Variants in EMSY observed in about 807,000 individuals in gnomAD.
EMSY encodes EMSY transcriptional repressor, BRCA2 interacting, also known as BRCA2-interacting transcriptional repressor EMSY.
EMSY carries 26 observed loss-of-function variants against 134.6 expected under a neutral mutation model. The ratio of observed to expected loss-of-function variants is 0.19; its 90% confidence interval spans 0.14 to 0.27. The LOEUF (loss-of-function observed/expected upper bound fraction) is 0.27, where lower values mean the gene tolerates loss of function less well. Ranked by LOEUF, EMSY falls within the 10% of genes least tolerant of loss-of-function variation. The probability of loss-of-function intolerance (pLI) is 1.00; values close to 1 mark genes in which losing one functional copy is unlikely to be tolerated. For missense variants in EMSY, 1,305 were observed against 1,611.4 expected (o/e 0.81, Z 3.26); for synonymous variants, 579 against 577.8 (o/e 1.00, Z -0.03).
rs543540384 is a variant in EMSY, at chr11:76,476,018, A to G, written c.1108+3178A>G. Reference sequence around the variant, plus strand: ...GTCTTCTCTCTCTTTTGTCCTTGCAACTTACTTGTTGAAGAAATAACTAAT... The same window carrying G: ...GTCTTCTCTCTCTTTTGTCCTTGCAGCTTACTTGTTGAAGAAATAACTAAT... On this transcript the variant is annotated intron_variant, in intron 8 of 20. Coordinates refer to ENST00000334736, the Ensembl canonical transcript of EMSY. Among the ~76,000 whole-genome samples the G allele has an allele frequency of 2.6e-5, 4 of 152,190 alleles. No individual in the cohort carries two copies. The South Asian group carries it at 8.3e-4, about 31-fold the overall frequency.
intron 4 of EMSY, among the ~76,000 whole-genome samples, chr11:76,454,506 G>A (rs548027307): frequency 2.2e-4 from 33 of 152,090 alleles, no homozygotes; most frequent in Non-Finnish European, 4.3e-4. Flanking sequence ...TTTGAATTGG[G>A]GTGCTCTAGA....
intron 4 of EMSY, among the ~76,000 whole-genome samples, chr11:76,454,497 T>G (rs890962451): frequency 2.0e-5 from 3 of 152,138 alleles, no homozygotes; most frequent in Non-Finnish European, 4.4e-5. Flanking sequence ...CTCTAAGCTT[T>G]TGAATTGGGG....
chr11:76,544,692 C>A (rs758199041), exon 19 of EMSY: 3 of 1,614,024 alleles, frequency 1.9e-6, no homozygotes, highest in Non-Finnish European at 2.5e-6. Context: ...CAGGTGCTTG[C>A]AGTGAAAACC....
chr11:76,493,937 C>T (rs542346958), intron 8 of EMSY, among the ~76,000 whole-genome samples: 14 of 152,358 alleles, frequency 9.2e-5, no homozygotes, highest in African/African-American at 3.4e-4. Context: ...GAGCCCAGAC[C>T]TAGGGGCTCC....
intron 6 of EMSY, among the ~76,000 whole-genome samples, chr11:76,461,719 G>A (rs1948125826): frequency 6.6e-6 from 1 of 152,016 alleles, no homozygotes; most frequent in African/African-American, 2.4e-5. Flanking sequence ...ATCAGTTGAG[G>A]TCAGGCGTTC....
chr11:76,496,764 C>G (rs188419316), intron 9 of EMSY: 23 of 395,394 alleles, frequency 5.8e-5, no homozygotes, highest in Non-Finnish European at 9.9e-5. Context: ...CCTTGCTGAA[C>G]TCACTTGTTC....
At chr11:76,468,954 C>T (rs1181972378) in intron 7 of EMSY, among the ~76,000 whole-genome samples, 1 of 152,116 alleles carries the variant, frequency 6.6e-6, no homozygotes, top group Non-Finnish European at 1.5e-5. Flanking sequence ...TGGTTTTAAA[C>T]CCCTATACTT....
At chr11:76,537,998 C>A in intron 16 of EMSY, 48 bp downstream of exon 17, 1 of 1,450,726 alleles carries the variant, frequency 6.9e-7, no homozygotes, top group Non-Finnish European at 9.4e-7. Context: ...AACTACCTTC[C>A]TGGATTTCAT....
At chr11:76,525,838 T>C (rs1950826531) in intron 12 of EMSY, among the ~76,000 whole-genome samples, 1 of 152,102 alleles carries the variant, frequency 6.6e-6, no homozygotes, top group South Asian at 2.1e-4. Flanking sequence ...TCTTTCCTCA[T>C]GGCATATGTT....
chr11:76,460,381 A>G (rs904534553), intron 6 of EMSY: 4 of 234,682 alleles, frequency 1.7e-5, no homozygotes, highest in Non-Finnish European at 2.5e-5. Context: ...AATATTGTGA[A>G]TAGAAACTGA....
At chr11:76,463,956 G>C in exon 7 of EMSY, 2 of 1,614,184 alleles carry the variant, frequency 1.2e-6, no homozygotes, top group Non-Finnish European at 1.7e-6. Flanking sequence ...GTGCCTGTGA[G>C]TGGTAGTCCC....
intron 14 of EMSY, among the ~76,000 whole-genome samples, chr11:76,530,867 T>G (rs1415317061): frequency 1.3e-5 from 2 of 152,216 alleles, no homozygotes; most frequent in Non-Finnish European, 1.5e-5. Flanking sequence ...AAGTACTACA[T>G]AGTTTATTTT....
chr11:76,521,208 A>G (rs185049245), intron 11 of EMSY, among the ~76,000 whole-genome samples: 78 of 152,354 alleles, frequency 5.1e-4, no homozygotes, highest in Non-Finnish European at 7.6e-4. Flanking sequence ...TCTGGAGTAC[A>G]TGCTAATTAG....
chr11:76,513,885 A>G (rs1690316893), intron 10 of EMSY, among the ~76,000 whole-genome samples: 1 of 152,162 alleles, frequency 6.6e-6, no homozygotes, highest in Non-Finnish European at 1.5e-5. Context: ...GTCTGTAAGT[A>G]GGTGCTCAGT....
chr11:76,517,813 A>T (rs1160308446), intron 11 of EMSY, among the ~76,000 whole-genome samples: 1 of 152,148 alleles, frequency 6.6e-6, no homozygotes, highest in Non-Finnish European at 1.5e-5. Flanking sequence ...GCACTATAGG[A>T]TATACTTGGC....
chr11:76,525,228 T>C (rs1319873840), intron 12 of EMSY, among the ~76,000 whole-genome samples: 1 of 152,208 alleles, frequency 6.6e-6, no homozygotes, highest in Non-Finnish European at 1.5e-5. Flanking sequence ...TCTTGGCAAA[T>C]GAACTAGAGC....
chr11:76,546,239 G>A (rs775396242), exon 20 of EMSY: 22 of 1,613,920 alleles, frequency 1.4e-5, no homozygotes, highest in African/African-American at 5.3e-5. Flanking sequence ...CAGTTCATGC[G>A]TATTCAGAAT....
intron 7 of EMSY, among the ~76,000 whole-genome samples, chr11:76,472,222 T>C (rs1474758063): frequency 6.6e-6 from 1 of 152,228 alleles, no homozygotes. Flanking sequence ...TAGTAGGTGC[T>C]CAATAAATAT....
chr11:76,528,601 T>TA, intron 14 of EMSY, 135 bp downstream of exon 15: 2 of 624,768 alleles, frequency 3.2e-6, no homozygotes, highest in Non-Finnish European at 5.2e-6. Context: ...TTTTTTTTTT[T>TA]TTATTGTTTG....
Sources: gnomAD v4.1 joint callset for allele counts (sites outside exome capture counted in the v4.1 genomes callset) on GRCh38, gnomAD v4.1.1 for gene constraint, MANE v1.5 for transcripts, NCBI Gene and HGNC (gene_info 2026-07-23, HGNC 2026-07-21) for gene names.